The following LRMDA variants were observed in gnomAD, a reference collection of about 807,000 sequenced individuals.
LRMDA encodes the protein leucine rich melanocyte differentiation associated, also known as leucine-rich melanocyte differentiation-associated protein.
In LRMDA, 18 loss-of-function variants were observed where a neutral mutation model predicts 29.8. The observed-to-expected ratio is 0.60, with a 90% CI of 0.42 to 0.90. The LOEUF is 0.90. Among genes scored for constraint, LRMDA ranks in the 40% least tolerant of loss-of-function variants. LRMDA has a pLI of 0.00. For missense variants in LRMDA, 273 were observed against 273.9 expected, an observed-to-expected ratio of 1.00 and a Z score of 0.02; for synonymous variants, 125 against 109.4, an observed-to-expected ratio of 1.14 and a Z score of -0.89.
chr10:75,831,865 G>A (rs1049293983), intron 2 of LRMDA, among the ~76,000 whole-genome samples: 1 of 152,228 alleles, frequency 6.6e-6, no homozygotes, highest in African/African-American at 2.4e-5. Flanking sequence ...GCAATAGCCT[G>A]AGCTGTACCT....
chr10:76,534,015 C>T (rs1033942117), intron 6 of LRMDA, among the ~76,000 whole-genome samples: 14 of 152,110 alleles, frequency 9.2e-5, no homozygotes, highest in Non-Finnish European at 1.5e-4. Context: ...CCTATGAATA[C>T]GTACTGTGTT....
At chr10:75,503,298 T>A (rs950556345) in intron 2 of LRMDA, among the ~76,000 whole-genome samples, 3 of 152,172 alleles carry the variant, frequency 2.0e-5, no homozygotes, top group Non-Finnish European at 4.4e-5. Context: ...ATTGGCTTCT[T>A]CTAGAACACT....
chr10:76,131,140 T>G (rs1245813419), intron 5 of LRMDA, among the ~76,000 whole-genome samples: 1 of 152,226 alleles, frequency 6.6e-6, no homozygotes, highest in Non-Finnish European at 1.5e-5. Context: ...CTCTTTCCAC[T>G]GCCCCCTTCA....
chr10:76,254,289 C>CTA (rs1564701414), intron 5 of LRMDA, among the ~76,000 whole-genome samples: 1 of 94,578 alleles, frequency 1.1e-5, no homozygotes, highest in East Asian at 2.7e-4. Flanking sequence ...AATTACTATA[C>CTA]TATACTATAC....
chr10:75,703,611 A>T (rs1045510619), intron 2 of LRMDA, among the ~76,000 whole-genome samples: 3 of 152,218 alleles, frequency 2.0e-5, no homozygotes, highest in Non-Finnish European at 4.4e-5. Context: ...ATTAATGTAT[A>T]TACAGCTCCT....
chr10:75,913,901 T>C (rs1265211244), intron 2 of LRMDA, among the ~76,000 whole-genome samples: 1 of 152,212 alleles, frequency 6.6e-6, no homozygotes, highest in Non-Finnish European at 1.5e-5. Context: ...GAATCCCTTG[T>C]GAGCTTATCC....
At chr10:75,595,053 A>T (rs1018414276) in intron 2 of LRMDA, among the ~76,000 whole-genome samples, 2 of 152,138 alleles carry the variant, frequency 1.3e-5, no homozygotes, top group African/African-American at 2.4e-5. Context: ...TTCACTATGT[A>T]GTTGTTTTGG....
At chr10:76,179,346 G>C (rs1402289084) in intron 5 of LRMDA, among the ~76,000 whole-genome samples, 1 of 151,810 alleles carries the variant, frequency 6.6e-6, no homozygotes, top group East Asian at 1.9e-4. Context: ...CATGTAGCTG[G>C]CCTAATTCTC....
In LRMDA at chr10:75,559,891, T is replaced by G. The variant is rs1435192847; in HGVS notation, c.131+121397T>G. Reference sequence around the variant, plus strand: ...GCCACTGTTCTGTTCCATTGATCTATCTCTCTGTTTTGGTACCAGTACCAT... The same window carrying G: ...GCCACTGTTCTGTTCCATTGATCTAGCTCTCTGTTTTGGTACCAGTACCAT... On this transcript the variant is annotated intron_variant, in intron 2 of 6. Coordinates refer to ENST00000611255, the MANE Select transcript of LRMDA (RefSeq NM_001305581.2). 4.6e-5 allele frequency among the ~76,000 whole-genome samples: 4 copies of G among 86,226 alleles called. 1 individual carries two copies. The highest frequency in any genetic ancestry group is 1.3e-4 in the Non-Finnish European group (4 of 31,332). 56.6% of individuals were successfully genotyped at this position (86,226 alleles called of 152,430 possible).
At chr10:76,354,812 C>T (rs112318081) in intron 6 of LRMDA, among the ~76,000 whole-genome samples, 11 of 152,180 alleles carry the variant, frequency 7.2e-5, no homozygotes, top group African/African-American at 1.7e-4. Context: ...ATCATTTCTG[C>T]GTGTTAGGAA....
At chr10:76,454,989 A>G (rs1186148985) in intron 6 of LRMDA, among the ~76,000 whole-genome samples, 1 of 152,160 alleles carries the variant, frequency 6.6e-6, no homozygotes, top group Non-Finnish European at 1.5e-5. Flanking sequence ...ACAGAGTTTT[A>G]GTTTGGAGCA....
intron 2 of LRMDA, among the ~76,000 whole-genome samples, chr10:75,466,259 T>TAGTG (rs1461598952): frequency 1.3e-5 from 2 of 152,230 alleles, no homozygotes; most frequent in African/African-American, 4.8e-5. Flanking sequence ...TTGCAAAAGG[T>TAGTG]AGTGTAAAGT....
chr10:75,591,264 C>T (rs1248712278), intron 2 of LRMDA, among the ~76,000 whole-genome samples: 1 of 152,134 alleles, frequency 6.6e-6, no homozygotes, highest in Non-Finnish European at 1.5e-5. Context: ...AAATATGGCT[C>T]AACATGTTAA....
intron 6 of LRMDA, among the ~76,000 whole-genome samples, chr10:76,352,363 C>T (rs957512538): frequency 2.0e-5 from 3 of 152,192 alleles, no homozygotes; most frequent in South Asian, 2.1e-4. Flanking sequence ...ACTACGCTTG[C>T]ACTTTGGGGC....
intron 2 of LRMDA, among the ~76,000 whole-genome samples, chr10:75,960,504 AG>A (rs1205899416): frequency 7.9e-5 from 12 of 152,256 alleles, no homozygotes; most frequent in Non-Finnish European, 1.5e-4. Flanking sequence ...GGGACAGAAA[AG>A]GGAGAAAACT....
intron 6 of LRMDA, among the ~76,000 whole-genome samples, chr10:76,409,166 G>A (rs1388423539): frequency 2.6e-5 from 4 of 152,128 alleles, no homozygotes; most frequent in East Asian, 3.9e-4. Flanking sequence ...GGATGGACAC[G>A]TACCACACTC....
intron 6 of LRMDA, among the ~76,000 whole-genome samples, chr10:76,489,655 C>G (rs1311389259): frequency 6.6e-6 from 1 of 151,836 alleles, no homozygotes; most frequent in Non-Finnish European, 1.5e-5. Flanking sequence ...CTTATACACT[C>G]CCTTGTTAGT....
At chr10:76,146,620 C>T (rs940052181) in intron 5 of LRMDA, among the ~76,000 whole-genome samples, 21 of 152,098 alleles carry the variant, frequency 1.4e-4, no homozygotes, top group Middle Eastern at 3.4e-3. Flanking sequence ...TGCAGCACAC[C>T]GATGGGTCTT....
At chr10:76,180,709 G>T (rs1851032798) in intron 5 of LRMDA, among the ~76,000 whole-genome samples, 1 of 152,100 alleles carries the variant, frequency 6.6e-6, no homozygotes, top group Non-Finnish European at 1.5e-5. Context: ...TTTACCCCTG[G>T]TTCCATCACA....
Sources: allele counts gnomAD v4.1 joint callset (sites outside exome capture counted in the v4.1 genomes callset), GRCh38; gene constraint gnomAD v4.1.1; transcripts MANE v1.5; gene names NCBI Gene and HGNC (gene_info 2026-07-23, HGNC 2026-07-21).